Variants in RUNX1 observed in about 807,000 individuals in gnomAD.
RUNX1 encodes the protein runt-related transcription factor 1.
A neutral mutation model predicts 42.8 loss-of-function variants in RUNX1; 19 were observed. The ratio of observed to expected loss-of-function variants is 0.44; its 90% CI spans 0.31 to 0.65. The LOEUF is 0.65. RUNX1 is among the 30% of genes least tolerant of loss of function. The pLI, the probability that RUNX1 is intolerant of heterozygous loss-of-function variation, is 0.07. For missense variants in RUNX1, 528 were observed against 672.0 expected, an observed-to-expected ratio of 0.79 and a Z score of 2.37; for synonymous variants, 271 against 289.4, an observed-to-expected ratio of 0.94 and a Z score of 0.64.
At chr21:35,014,569 C>A (rs141140108) in intron 2 of RUNX1, among the ~76,000 whole-genome samples, 139 of 152,336 alleles carry the variant, frequency 9.1e-4, no homozygotes, top group African/African-American at 2.9e-3. Flanking sequence ...ATATGGCTTT[C>A]TCCTTATCAG....
At chr21:34,943,470 A>T (rs532616735) in intron 2 of RUNX1, among the ~76,000 whole-genome samples, 7 of 152,354 alleles carry the variant, frequency 4.6e-5, no homozygotes, top group African/African-American at 1.7e-4. Flanking sequence ...ATGAATTGCC[A>T]GTTTTCCAGT....
At chr21:35,008,758 T>C (rs141802587) in intron 2 of RUNX1, among the ~76,000 whole-genome samples, 85 of 152,326 alleles carry the variant, frequency 5.6e-4, no homozygotes, top group African/African-American at 2.0e-3. Flanking sequence ...AGATACCTAG[T>C]GGTGGACTCG....
In RUNX1 at chr21:35,026,726, C is replaced by G. The variant is rs191031785; in HGVS notation, c.58+22116G>C. On this transcript the variant is annotated intron_variant, in intron 2 of 8. Coordinates refer to ENST00000675419, the MANE Select transcript of RUNX1 (RefSeq NM_001754.5). ...CTCATGGCGGAGCAGCAAGGGGATCCTTTAGAAAAAGCAATGGGCGAAGTA... is the reference window on the plus strand; with the variant it reads ...CTCATGGCGGAGCAGCAAGGGGATCGTTTAGAAAAAGCAATGGGCGAAGTA... 1.5e-3 allele frequency among the ~76,000 whole-genome samples: 236 copies of G among 152,292 alleles called. 1 individual carries two copies. Among genetic ancestry groups the G allele is most frequent in the Non-Finnish European group, 2.8e-3 (191 of 68,030 alleles).
intron 3 of RUNX1, among the ~76,000 whole-genome samples, chr21:34,892,190 T>C (rs1245406141): frequency 6.6e-6 from 1 of 152,246 alleles, no homozygotes; most frequent in Non-Finnish European, 1.5e-5. Context: ...TGGAACCAAA[T>C]AGCTGCAGTT....
At chr21:34,872,139 C>T (rs575754681) in intron 5 of RUNX1, among the ~76,000 whole-genome samples, 20 of 152,166 alleles carry the variant, frequency 1.3e-4, no homozygotes, top group Middle Eastern at 3.4e-3. Flanking sequence ...CCAGCATGCC[C>T]GGCTCTTTAT....
At chr21:34,897,173 T>C (rs2058137364) in intron 2 of RUNX1, among the ~76,000 whole-genome samples, 1 of 152,230 alleles carries the variant, frequency 6.6e-6, no homozygotes, top group Admixed American at 6.5e-5. Context: ...TTTGCCCTCA[T>C]CCAGTCTGTT....
intron 6 of RUNX1, among the ~76,000 whole-genome samples, chr21:34,853,878 T>C (rs1447600960): frequency 1.3e-5 from 2 of 149,632 alleles, no homozygotes; most frequent in African/African-American, 4.9e-5. Flanking sequence ...AGTGGCACCA[T>C]CTCGGCTCAC....
chr21:34,895,004 T>A (rs1181192896), intron 2 of RUNX1, among the ~76,000 whole-genome samples: 3 of 152,100 alleles, frequency 2.0e-5, no homozygotes, highest in African/African-American at 7.2e-5. Context: ...TTTGTGGCTA[T>A]CCTTGGTAGA....
chr21:34,933,394 C>T (rs958493390), intron 2 of RUNX1, among the ~76,000 whole-genome samples: 4 of 152,172 alleles, frequency 2.6e-5, no homozygotes, highest in Non-Finnish European at 4.4e-5. Flanking sequence ...TGTGTTTACA[C>T]TTATTTTCCA....
rs557196096 is a variant in RUNX1, at chr21:34,941,863, TAATG to T, written c.59-48904_59-48901del. Among the ~76,000 whole-genome samples, 1,017 of 151,738 alleles carry T rather than the reference TAATG, an allele frequency of 6.7e-3. 11 individuals carry two copies. Among genetic ancestry groups the T allele is most frequent in the African/African-American group, 0.023 (971 of 41,366 alleles). On this transcript the variant is annotated intron_variant, in intron 2 of 8. Coordinates refer to ENST00000675419, the MANE Select transcript of RUNX1 (RefSeq NM_001754.5). Reference sequence around the variant, plus strand: ...TTTTTTTGAAGGTTGGAAGATTCTTTAATGAGAGACATATGCAGCAAGTTAAAGC... The same window carrying T: ...TTTTTTTGAAGGTTGGAAGATTCTTTAGAGACATATGCAGCAAGTTAAAGC...
At chr21:34,918,526 T>C (rs2058329495) in intron 2 of RUNX1, among the ~76,000 whole-genome samples, 1 of 152,244 alleles carries the variant, frequency 6.6e-6, no homozygotes, top group Non-Finnish European at 1.5e-5. Flanking sequence ...ATGCCCTTGA[T>C]TTTATTCTTT....
At position 34,834,610 on chromosome 21, in the gene RUNX1, G is replaced by C; in HGVS notation, c.614-9C>G. The C allele has an allele frequency of 6.2e-7, 1 of 1,608,602 alleles. No homozygotes were observed. Among genetic ancestry groups the C allele is most frequent in the Non-Finnish European group, 8.5e-7 (1 of 1,177,288 alleles). ...TAGTTTCTGCCGATGTCCTATTGTG[G>C]GGAGCAGGGAGGGGAGGGGATGGGG... On this transcript the variant is annotated splice_polypyrimidine_tract_variant and intron_variant, in intron 6 of 8. Coordinates refer to ENST00000675419, the MANE Select transcript of RUNX1 (RefSeq NM_001754.5).
At chr21:34,848,992 G>T (rs1051836810) in intron 6 of RUNX1, among the ~76,000 whole-genome samples, 1 of 151,328 alleles carries the variant, frequency 6.6e-6, no homozygotes, top group Admixed American at 6.6e-5. Flanking sequence ...TTTAAGCCAT[G>T]GTGAACAAAA....
intron 2 of RUNX1, among the ~76,000 whole-genome samples, chr21:35,013,355 T>C (rs1032288132): frequency 6.6e-6 from 1 of 152,236 alleles, no homozygotes; most frequent in African/African-American, 2.4e-5. Context: ...AGCACCTTTA[T>C]ACATATAAAT....
chr21:34,797,119 T>G (rs769516891), intron 8 of RUNX1, among the ~76,000 whole-genome samples: 1 of 152,222 alleles, frequency 6.6e-6, no homozygotes, highest in Non-Finnish European at 1.5e-5. Context: ...CCAGGCTTGA[T>G]TTCTCAGAGG....
chr21:34,792,080 C>T lies in RUNX1; in HGVS notation c.*55G>A, dbSNP rs978783009. ...GCTTGTCGCGAACAGGAGGCCCGCG[C>T]GCCCGGAGGCGAAGGCGGCGGCCCG... On this transcript the variant is annotated 3_prime_UTR_variant, in exon 9 of 9. Coordinates refer to ENST00000675419, the MANE Select transcript of RUNX1 (RefSeq NM_001754.5). This position sits in a 1 kb window ranked among gnomAD's most constrained non-coding sequence, Gnocchi z 6.9. 2.6e-6 allele frequency: 3 copies of T among 1,140,902 alleles called. No homozygotes were observed. Among genetic ancestry groups the T allele is most frequent in the African/African-American group, 3.3e-5 (2 of 60,100 alleles). The allele number at this position is 1,140,902 out of a possible 1,614,324, so 70.7% of individuals were successfully genotyped here.
chr21:34,928,907 C>T (rs1390442076), intron 2 of RUNX1, among the ~76,000 whole-genome samples: 7 of 146,284 alleles, frequency 4.8e-5, no homozygotes, highest in South Asian at 4.3e-4. Flanking sequence ...TGTTAAGTTT[C>T]GGGGCTCAGA....
At chr21:34,871,894 A>G (rs2057743412) in intron 5 of RUNX1, among the ~76,000 whole-genome samples, 1 of 149,058 alleles carries the variant, frequency 6.7e-6, no homozygotes, top group Non-Finnish European at 1.5e-5. Context: ...CCCAGGCTGG[A>G]GCGCAGTGGC....
At chr21:34,902,326 A>G (rs1480065410) in intron 2 of RUNX1, among the ~76,000 whole-genome samples, 1 of 152,198 alleles carries the variant, frequency 6.6e-6, no homozygotes, top group Admixed American at 6.5e-5. Flanking sequence ...ACCCTTGGTG[A>G]GCTGGTAGAG....
Sources: allele counts gnomAD v4.1 joint callset (sites outside exome capture counted in the v4.1 genomes callset), GRCh38; gene constraint gnomAD v4.1.1; non-coding constraint Gnocchi (gnomAD v3.1); transcripts MANE v1.5; gene names NCBI Gene and HGNC (gene_info 2026-07-23, HGNC 2026-07-21).